The following KDM6B variants were observed in gnomAD, a reference collection of about 807,000 sequenced individuals.
The protein encoded by KDM6B is lysine-specific demethylase 6B.
In KDM6B, 22 loss-of-function variants were observed where a neutral mutation model predicts 150.4. The ratio of observed to expected loss-of-function variants is 0.15; its 90% CI spans 0.10 to 0.21. The LOEUF is 0.21. Ranked by LOEUF, KDM6B falls within the 10% of genes least tolerant of loss-of-function variation. The pLI is 1.00. For synonymous variants in KDM6B, 1,148 were observed against 921.1 expected, an observed-to-expected ratio of 1.25 and a Z score of -4.46; for missense variants, 1,984 against 2,234.3, an observed-to-expected ratio of 0.89 and a Z score of 2.26.
At chr17:7,834,749 C>T (rs2078297562) in intron 1 of KDM6B, among the ~76,000 whole-genome samples, 1 of 152,090 alleles carries the variant, frequency 6.6e-6, no homozygotes, top group African/African-American at 2.4e-5. Context: ...TTGGGTGTGT[C>T]CCGGTCCCAG....
At chr17:7,839,698 C>T (rs1028310659) in intron 1 of KDM6B, among the ~76,000 whole-genome samples, 7 of 152,126 alleles carry the variant, frequency 4.6e-5, no homozygotes, top group South Asian at 2.1e-4. Flanking sequence ...CATATCATGG[C>T]CCCTTACCAA....
rs559808010 is a variant in KDM6B, at chr17:7,840,964, C to T, written c.-269+940C>T. 2.0e-5 allele frequency among the ~76,000 whole-genome samples: 3 copies of T among 152,158 alleles called. No individual in the cohort carries two copies. The South Asian group carries it at 6.2e-4, about 32-fold the overall frequency. ...CAGGAGATGGCCTGTGAGGATAAAACCAAGGGAGGGAGAGTAGGACAGAGG... is the reference window on the plus strand; with the variant it reads ...CAGGAGATGGCCTGTGAGGATAAAATCAAGGGAGGGAGAGTAGGACAGAGG... On this transcript the variant is annotated intron_variant, in intron 2 of 23. Transcript: ENST00000448097.
In KDM6B at chr17:7,852,249, C is replaced by G; in HGVS notation, c.4381C>G (p.Leu1461Val). The G allele has an allele frequency of 1.2e-6, 2 of 1,614,102 alleles. No homozygotes were observed. The highest frequency in any genetic ancestry group is 1.7e-6 in the Non-Finnish European group (2 of 1,180,034). ...VYRFVQRPGD[L>V]VWINAGTVHW... is the part of the protein sequence containing the mutation. ...CCGCTTCGTGCAGCGACCCGGAGAC[C>G]TCGTGTGGATTAATGCGGGGACTGT... Residue 1461 changes from leucine (L) to valine (V), a missense_variant, in exon 20 of 24, where the codon CTC (leucine) becomes GTC (valine). This residue lies in a region of KDM6B where 41 missense variants were observed against 158.8 expected (regional missense o/e 0.26). Coordinates refer to ENST00000448097, the MANE Select transcript of KDM6B (RefSeq NM_001348716.2).
chr17:7,843,436 A>G lies in KDM6B; in HGVS notation c.-268-1465A>G, dbSNP rs1311543433. Among the ~76,000 whole-genome samples, 1 of 152,200 alleles carries G rather than the reference A, an allele frequency of 6.6e-6. No homozygotes were observed. The highest frequency in any genetic ancestry group is 2.1e-4 in the South Asian group (1 of 4,830). On this transcript the variant is annotated intron_variant, in intron 2 of 23. Coordinates refer to ENST00000448097, the MANE Select transcript of KDM6B (RefSeq NM_001348716.2). This position sits in a 1 kb window ranked among gnomAD's most constrained non-coding sequence, Gnocchi z 4.5. ...GGTCCGCGGGGCCCAAGCGACCACA[A>G]GGGCTTGGCGGAGAGTGGCACGCAG...
Position 7,853,193 on chromosome 17 carries a change from T to C in KDM6B, c.4738-17T>C. The C allele has an allele frequency of 1.9e-6, 3 of 1,613,674 alleles. No homozygotes were observed. Among genetic ancestry groups the C allele is most frequent in the Non-Finnish European group, 2.5e-6 (3 of 1,179,862 alleles). On this transcript the variant is annotated splice_polypyrimidine_tract_variant and intron_variant, in intron 22 of 23. Coordinates refer to ENST00000448097, the MANE Select transcript of KDM6B (RefSeq NM_001348716.2). ...TGGCCCTCCCTCCCCCTGACTGCAC[T>C]GTCCTCCCTGCCCCAGGTGGAGGTG...
chr17:7,834,395 CCTT>C (rs948999678), intron 1 of KDM6B, among the ~76,000 whole-genome samples, 45 bp downstream of exon 1: 14 of 152,208 alleles, frequency 9.2e-5, no homozygotes, highest in African/African-American at 3.4e-4. Flanking sequence ...GAAACCCTCT[CCTT>C]GCAGCAGGGC....
In KDM6B at chr17:7,850,150, C is replaced by T; in HGVS notation, c.3646C>T (p.Arg1216Trp). The T allele has an allele frequency of 6.2e-7, 1 of 1,613,614 alleles. No homozygotes were observed. Among genetic ancestry groups the T allele is most frequent in the East Asian group, 2.2e-5 (1 of 44,886 alleles). Residue 1216 changes from arginine (R) to tryptophan (W), a missense_variant, in exon 14 of 24, where the codon CGG becomes TGG. Arg to Trp is a moderately radical substitution (Grantham distance 101). This residue lies in a region of KDM6B where 15 missense variants were observed against 48.7 expected (regional missense o/e 0.31). Coordinates refer to ENST00000448097, the MANE Select transcript of KDM6B (RefSeq NM_001348716.2). ...TDPRNPITVI[R>W]GLAGSLRLNL... Reference sequence around the variant, plus strand: ...CCCTCGAAATCCCATCACAGTGATCCGGGGCCTGGCGGGCTCCCTGCGGCT... The same window carrying T: ...CCCTCGAAATCCCATCACAGTGATCTGGGGCCTGGCGGGCTCCCTGCGGCT...
intron 1 of KDM6B, among the ~76,000 whole-genome samples, chr17:7,836,063 G>A (rs2078329401): frequency 6.6e-6 from 1 of 152,210 alleles, no homozygotes; most frequent in South Asian, 2.1e-4. Context: ...GGCTTAAGTT[G>A]CTTTCCCAAG....
chr17:7,839,552 T>C (rs566288637), intron 1 of KDM6B, among the ~76,000 whole-genome samples: 2 of 152,088 alleles, frequency 1.3e-5, no homozygotes, highest in Non-Finnish European at 2.9e-5. Context: ...CTGCATGCCC[T>C]GGTGCTAGGA....
chr17:7,851,807 C>T lies in KDM6B; in HGVS notation c.4165+11C>T, dbSNP rs367997748. On this transcript the variant is annotated intron_variant, in intron 18 of 23. Transcript: ENST00000448097. ...GCAGCCGAACGCCAGGTGCGCTCCA[C>T]GCCTGTGCGCGCTGATGCTGGAAGC... 1.7e-4 allele frequency: 265 copies of T among 1,555,564 alleles called. No homozygotes were observed. Among genetic ancestry groups the T allele is most frequent in the Non-Finnish European group, 2.2e-4 (249 of 1,149,918 alleles).
Position 7,853,370 on chromosome 17 carries a change from C to G in KDM6B, c.4898C>G (p.Ala1633Gly). Residue 1633 changes from alanine to glycine, a missense_variant, in exon 23 of 24, where the codon GCC becomes GGC. Ala to Gly is a moderately conservative substitution (Grantham distance 60). Transcript: ENST00000448097. ...GAGGAGCTGGCTCAGGCCTACGACGCCTTCACGCTGGTGAGGGCCCGGCGG... is the reference window on the plus strand; with the variant it reads ...GAGGAGCTGGCTCAGGCCTACGACGGCTTCACGCTGGTGAGGGCCCGGCGG... Reference protein sequence around the residue: ...RTEELAQAYDAFTLAPASTSR With the variant: ...RTEELAQAYDGFTLAPASTSR 6.4e-7 allele frequency: 1 copy of G among 1,552,142 alleles called. No individual in the cohort carries two copies. The highest frequency in any genetic ancestry group is 8.7e-7 in the Non-Finnish European group (1 of 1,152,500).
At position 7,845,608 on chromosome 17, in the gene KDM6B, C is replaced by A; in HGVS notation, c.54C>A (p.Ala18=). The change falls in exon 5 of 24, where the codon GCC becomes GCA. Residue 18 remains alanine (A), a synonymous_variant. Coordinates refer to ENST00000448097, the MANE Select transcript of KDM6B (RefSeq NM_001348716.2). ...CCCGCGCTGCACGGGAAGCCTTTGC[C>A]CTTGGGGGCCTGAGCTGTGCTGGGG... ...PGARAAREAF[A]LGGLSCAGAW... is the part of the protein sequence containing the mutation. 1 of 1,614,176 alleles carries A rather than the reference C, an allele frequency of 6.2e-7. No homozygotes were observed. The highest frequency in any genetic ancestry group is 8.5e-7 in the Non-Finnish European group (1 of 1,180,026).
Position 7,848,067 on chromosome 17 carries a change from C to A in KDM6B, c.1779C>A (p.Asn593Lys). 1 of 1,611,802 alleles carries A rather than the reference C, an allele frequency of 6.2e-7. No individual in the cohort carries two copies. The highest frequency in any genetic ancestry group is 8.5e-7 in the Non-Finnish European group (1 of 1,178,986). ...CCCGGCCTCCCAGCCCAGCACAGAA[C>A]CCCCAGGACCCACCTCTTGTACCCC... ...PLPRPPSPAQ[N>K]PQDPPLVPLT... Residue 593 changes from asparagine to lysine, a missense_variant, in exon 12 of 24, where the codon AAC becomes AAA. By Grantham distance (94) the Asn-to-Lys change is moderately conservative. Coordinates refer to ENST00000448097, the MANE Select transcript of KDM6B (RefSeq NM_001348716.2).
chr17:7,842,871 C>CG (rs891594579), intron 2 of KDM6B, among the ~76,000 whole-genome samples: 14 of 35,742 alleles, frequency 3.9e-4, no homozygotes, highest in Admixed American at 3.4e-3. Context: ...GTACGGGGGG[C>CG]GGGGGGGCGA....
chr17:7,835,656 G>A (rs1427066258), intron 1 of KDM6B, among the ~76,000 whole-genome samples: 1 of 152,102 alleles, frequency 6.6e-6, no homozygotes, highest in African/African-American at 2.4e-5. Context: ...GGATGATAGC[G>A]ACAGGAAAGG....
rs143736118 is a variant in KDM6B at position 7,847,263 on chromosome 17, C to G, written c.1068C>G (p.Pro356=). The change falls in exon 11 of 24, where the codon CCC becomes CCG. Residue 356 remains proline, a synonymous_variant. Transcript: ENST00000448097. ...GCTGCCTGCCTGCCACCCGTCCCCC[C>G]GGAAGTGACCTTAGAGAGAGCAGAG... ...SHGCLPATRP[P]GSDLRESRVQ... is the part of the protein sequence containing the mutation. 6.2e-6 allele frequency: 10 copies of G among 1,604,082 alleles called. No homozygotes were observed. Among genetic ancestry groups the G allele is most frequent in the Middle Eastern group, 1.6e-4 (1 of 6,062 alleles).
Position 7,845,534 on chromosome 17 carries a change from C to T in KDM6B, c.-5-16C>T, listed in dbSNP as rs1428658380. 6.2e-7 allele frequency: 1 copy of T among 1,614,070 alleles called. No homozygotes were observed. The highest frequency in any genetic ancestry group is 1.3e-5 in the African/African-American group (1 of 75,062). On this transcript the variant is annotated splice_polypyrimidine_tract_variant and intron_variant, in intron 4 of 23. Coordinates refer to ENST00000448097, the MANE Select transcript of KDM6B (RefSeq NM_001348716.2). ...TTTGCCTCCAGTAAGAGCATAATTTCTTATCCCCAACTCAGGCTGGATGCA... is the reference window on the plus strand; with the variant it reads ...TTTGCCTCCAGTAAGAGCATAATTTTTTATCCCCAACTCAGGCTGGATGCA...
In KDM6B at chr17:7,847,262, C is replaced by T. The variant is rs1003998275; in HGVS notation, c.1067C>T (p.Pro356Leu). 4 of 1,604,082 alleles carry T rather than the reference C, an allele frequency of 2.5e-6. No homozygotes were observed. The highest frequency in any genetic ancestry group is 3.4e-6 in the Non-Finnish European group (4 of 1,179,784). The change falls in exon 11 of 24, where the codon CCC becomes CTC. Residue 356 changes from proline to leucine, a missense_variant. Pro to Leu is a moderately conservative substitution (Grantham distance 98). Transcript: ENST00000448097. Reference sequence around the variant, plus strand: ...GGCTGCCTGCCTGCCACCCGTCCCCCCGGAAGTGACCTTAGAGAGAGCAGA... The same window carrying T: ...GGCTGCCTGCCTGCCACCCGTCCCCTCGGAAGTGACCTTAGAGAGAGCAGA... ...SHGCLPATRP[P>L]GSDLRESRVQ...
rs1383059350 is a variant in KDM6B, at chr17:7,853,529, C to T, written c.*8C>T. The T allele has an allele frequency of 2.1e-6, 3 of 1,445,520 alleles. No individual in the cohort carries two copies. Among genetic ancestry groups the T allele is most frequent in the Admixed American group, 2.7e-5 (1 of 37,324 alleles). The allele number at this position is 1,445,520 out of a possible 1,614,324, so 89.5% of individuals were successfully genotyped here. The stretch of plus-strand genomic sequence containing the variant: ...GCCAGCACGTCGCGATGAGGCCGGA[C>T]GCCCCGCCCGCCTGCCTGCCCGCGC... On this transcript the variant is annotated 3_prime_UTR_variant, in exon 24 of 24. Transcript: ENST00000448097.
Sources: allele counts gnomAD v4.1 joint callset (sites outside exome capture counted in the v4.1 genomes callset), GRCh38; gene constraint gnomAD v4.1.1; regional missense constraint gnomAD v4.1.1; non-coding constraint Gnocchi (gnomAD v3.1); transcripts MANE v1.5; gene names NCBI Gene and HGNC (gene_info 2026-07-23, HGNC 2026-07-21).